RPA3: variants seen among roughly 807,000 people sequenced by gnomAD.
RPA3 encodes replication protein A 14 kDa subunit.
A neutral mutation model predicts 13.7 loss-of-function variants in RPA3; 24 were observed. The ratio of observed to expected loss-of-function variants is 1.75; its 90% CI spans 1.27 to 2.46. The LOEUF (loss-of-function observed/expected upper bound fraction) is 2.46. RPA3 is among the 30% of genes most tolerant of loss of function. The pLI, the probability that RPA3 is intolerant of heterozygous loss-of-function variation, is 0.00. For missense variants in RPA3, 183 were observed against 151.0 expected (o/e 1.21, Z -1.11); for synonymous variants, 59 against 51.2 (o/e 1.15, Z -0.65).
At chr7:7,694,111 T>C (rs1015734020) in intron 2 of RPA3, among the ~76,000 whole-genome samples, 3 of 152,162 alleles carry the variant, frequency 2.0e-5, no homozygotes, top group Non-Finnish European at 4.4e-5. Flanking sequence ...TATGAAGTAG[T>C]TGGAAATTTG....
intron 4 of RPA3, among the ~76,000 whole-genome samples, chr7:7,652,915 C>T (rs28916272): frequency 0.01 from 1,582 of 152,288 alleles, 26 homozygotes; most frequent in African/African-American, 0.035. Context: ...TTTGTGTAAA[C>T]ATTAAAATGA....
intron 2 of RPA3, among the ~76,000 whole-genome samples, chr7:7,700,232 T>G (rs1454959512): frequency 6.6e-6 from 1 of 152,142 alleles, no homozygotes; most frequent in African/African-American, 2.4e-5. Context: ...TTCTCCCTGC[T>G]CCCCACATGT....
At chr7:7,658,907 A>T (rs1173277870) in intron 4 of RPA3, among the ~76,000 whole-genome samples, 1 of 152,156 alleles carries the variant, frequency 6.6e-6, no homozygotes, top group African/African-American at 2.4e-5. Context: ...TACCTCTGGT[A>T]GAATTTGGCT....
chr7:7,643,260 G>A (rs1785015969), intron 4 of RPA3, among the ~76,000 whole-genome samples: 1 of 152,194 alleles, frequency 6.6e-6, no homozygotes, highest in South Asian at 2.1e-4. Flanking sequence ...GGTAAAGTAT[G>A]ATCTTCCAGG....
At chr7:7,652,335 C>G (rs13242410) in intron 4 of RPA3, among the ~76,000 whole-genome samples, 20,739 of 152,184 alleles carry the variant, frequency 0.14, 1,841 homozygotes, top group Non-Finnish European at 0.2. Flanking sequence ...TTGACTCAGA[C>G]TTTGAGATAT....
intron 2 of RPA3, among the ~76,000 whole-genome samples, chr7:7,691,075 T>C (rs923413712): frequency 6.6e-6 from 1 of 152,164 alleles, no homozygotes; most frequent in Non-Finnish European, 1.5e-5. Flanking sequence ...CATGTGACCC[T>C]TCCTGGAACT....
intron 4 of RPA3, among the ~76,000 whole-genome samples, chr7:7,656,365 G>A (rs1212389360): frequency 2.0e-5 from 3 of 150,482 alleles, no homozygotes. Flanking sequence ...TGTACAGAAC[G>A]TGCAGGTTTG....
At chr7:7,673,600 G>C (rs1460470093) in intron 4 of RPA3, 1 of 600,524 alleles carries the variant, frequency 1.7e-6, no homozygotes, top group Non-Finnish European at 2.9e-6. Context: ...AATCTGTAAA[G>C]ATGAAAGTCA....
intron 2 of RPA3, among the ~76,000 whole-genome samples, chr7:7,699,582 A>G (rs1219154858): frequency 1.3e-5 from 2 of 152,218 alleles, no homozygotes; most frequent in Admixed American, 6.5e-5. Context: ...TGATGGTCCA[A>G]TCTGTAAGGT....
At chr7:7,651,772 T>C (rs1346447005) in intron 4 of RPA3, among the ~76,000 whole-genome samples, 1 of 152,218 alleles carries the variant, frequency 6.6e-6, no homozygotes, top group African/African-American at 2.4e-5. Context: ...AAATTGGGTC[T>C]TCCGAGACTC....
chr7:7,714,750 A>C (rs1384125889), intron 2 of RPA3, among the ~76,000 whole-genome samples: 1 of 152,194 alleles, frequency 6.6e-6, no homozygotes, highest in Non-Finnish European at 1.5e-5. Flanking sequence ...GGTTAAAGCA[A>C]GTAACAGGTT....
rs527619081 is a variant in RPA3, at chr7:7,659,121, G to C, written c.-757-17946C>G. On this transcript the variant is annotated intron_variant, in intron 4 of 7. Coordinates refer to ENST00000223129, the MANE Select transcript of RPA3 (RefSeq NM_002947.5). ...TTGTTTATAGTATTCTCTGATGGTA[G>C]TTTGTATTGCTGTGGGATCAATGGT... 2.8e-4 allele frequency among the ~76,000 whole-genome samples: 42 copies of C among 152,294 alleles called. 1 individual carries two copies. In the South Asian group the frequency reaches 6.2e-3, roughly 23 times the overall value.
At chr7:7,638,235 C>T (rs1464538398) in intron 6 of RPA3, 15 of 319,070 alleles carry the variant, frequency 4.7e-5, no homozygotes, top group South Asian at 1.2e-4. Context: ...CTATTGAAAA[C>T]GTCCAGCATT....
At chr7:7,692,821 A>C (rs1247920814) in intron 2 of RPA3, among the ~76,000 whole-genome samples, 1 of 152,062 alleles carries the variant, frequency 6.6e-6, no homozygotes, top group African/African-American at 2.4e-5. Flanking sequence ...GTTGGTCAGG[A>C]TGGTCTTGAT....
rs1779488177 is a variant in RPA3 at position 7,667,213 on chromosome 7, A to G, written c.-758+18617T>C. 1.3e-5 allele frequency among the ~76,000 whole-genome samples: 2 copies of G among 152,238 alleles called. 1 individual carries two copies. The highest frequency in any genetic ancestry group is 4.1e-4 in the South Asian group (2 of 4,836). On this transcript the variant is annotated intron_variant, in intron 4 of 7. Coordinates refer to ENST00000223129, the MANE Select transcript of RPA3 (RefSeq NM_002947.5). ...TTCTAGCTCAGATAGGTAAGTTGCC[A>G]CTAGCTAATAATGGGTTTTTGAGAA...
chr7:7,690,667 TTAATA>T (rs1780152549), intron 2 of RPA3, among the ~76,000 whole-genome samples: 1 of 152,172 alleles, frequency 6.6e-6, no homozygotes, highest in African/African-American at 2.4e-5. Flanking sequence ...TGAGAATACT[TTAATA>T]TATCTAAATT....
intron 4 of RPA3, among the ~76,000 whole-genome samples, chr7:7,649,136 C>A (rs1283901613): frequency 5.8e-5 from 7 of 121,346 alleles, no homozygotes; most frequent in East Asian, 5.0e-4. Context: ...CCAGCCCGTG[C>A]GACAAGAGCG....
At chr7:7,684,346 C>T (rs898044830) in intron 4 of RPA3, among the ~76,000 whole-genome samples, 7 of 151,776 alleles carry the variant, frequency 4.6e-5, no homozygotes, top group African/African-American at 7.3e-5. Flanking sequence ...GGATTACAGG[C>T]GTGTGCCACC....
chr7:7,661,490 T>C (rs977868252), intron 4 of RPA3, among the ~76,000 whole-genome samples: 2 of 152,198 alleles, frequency 1.3e-5, no homozygotes, highest in African/African-American at 4.8e-5. Context: ...TCAGTGGGGT[T>C]TCTGAGTGGA....
Sources: gnomAD v4.1 joint callset for allele counts (sites outside exome capture counted in the v4.1 genomes callset) on GRCh38, gnomAD v4.1.1 for gene constraint, MANE v1.5 for transcripts, NCBI Gene and HGNC (gene_info 2026-07-23, HGNC 2026-07-21) for gene names.